LIG4: variants seen among roughly 807,000 people sequenced by gnomAD.
LIG4 encodes DNA joinase.
LIG4 carries 13 observed loss-of-function variants against 19.0 expected under a neutral mutation model. The observed-to-expected ratio is 0.68, with a 90% CI of 0.44 to 1.09. The LOEUF (loss-of-function observed/expected upper bound fraction) is 1.09. Ranked by LOEUF, LIG4 falls within the 50% of genes least tolerant of loss-of-function variation. The probability of loss-of-function intolerance (pLI) is 0.00; values close to 1 mark genes in which losing one functional copy is unlikely to be tolerated. For missense variants in LIG4, 1,026 were observed against 1,089.7 expected (o/e 0.94, Z 0.82); for synonymous variants, 361 against 358.2 (o/e 1.01, Z -0.09).
chr13:108,213,602 T>A (rs1878895434), intron 2 of LIG4, among the ~76,000 whole-genome samples: 1 of 152,244 alleles, frequency 6.6e-6, no homozygotes, highest in Admixed American at 6.5e-5. Flanking sequence ...CATTTTTACA[T>A]GCTAATTTTA....
upstream of LIG4, among the ~76,000 whole-genome samples, chr13:108,215,983 GT>G (rs111554188): frequency 0.033 from 4,878 of 146,452 alleles, 227 homozygotes; most frequent in African/African-American, 0.11. Flanking sequence ...ATATAGAGCT[GT>G]TTTTTTTTTT....
Position 108,211,082 on chromosome 13 carries a change from A to T in LIG4, c.187T>A (p.Ser63Thr). 6.2e-7 allele frequency: 1 copy of T among 1,606,670 alleles called. No homozygotes were observed. Among genetic ancestry groups the T allele is most frequent in the Non-Finnish European group, 8.5e-7 (1 of 1,175,880 alleles). Reference sequence around the variant, plus strand: ...ATTAGTCTCATTGCTGGATAAAAAGAGTCTGTGACATCTTTGTGGTTCTTA... The same window carrying T: ...ATTAGTCTCATTGCTGGATAAAAAGTGTCTGTGACATCTTTGTGGTTCTTA... ...LHKNHKDVTD[S>T]FYPAMRLILP... Residue 63 changes from serine (S) to threonine (T), a missense_variant, in exon 3 of 3, where the codon TCT (serine) becomes ACT (threonine). Transcript: ENST00000442234.
chr13:108,213,267 C>T (rs571167485), intron 2 of LIG4, among the ~76,000 whole-genome samples: 2 of 152,294 alleles, frequency 1.3e-5, no homozygotes, highest in South Asian at 4.1e-4. Context: ...AAACAGGGTA[C>T]ACAATGCTAT....
chr13:108,209,310 GT>G lies in LIG4; in HGVS notation c.1958del (p.Asn653ThrfsTer10), dbSNP rs1273807152. 1 of 1,614,008 alleles carries G rather than the reference GT, an allele frequency of 6.2e-7. No individual in the cohort carries two copies. The highest frequency in any genetic ancestry group is 8.5e-7 in the Non-Finnish European group (1 of 1,179,960). On this transcript the variant is annotated frameshift_variant, in exon 3 of 3. Coordinates refer to ENST00000442234, the MANE Select transcript of LIG4 (RefSeq NM_206937.2). LOFTEE classifies it low-confidence loss of function (END_TRUNC). ...HLKAPNLTNV[N>X]KISNIFEDVE... is the part of the protein sequence containing the mutation. ...CATCTTCAAATATATTAGAAATTTT[GT>G]TAACGTTAGTAAGGTTAGGTGCTTT...
In LIG4 at chr13:108,209,370, C is replaced by A. The variant is rs548130979; in HGVS notation, c.1899G>T (p.Lys633Asn). 1.2e-6 allele frequency: 2 copies of A among 1,614,138 alleles called. No individual in the cohort carries two copies. Among genetic ancestry groups the A allele is most frequent in the South Asian group, 2.2e-5 (2 of 91,080 alleles). Reference sequence around the variant, plus strand: ...CAATAATTCCAATAACTTTCTTCATCTTTGGGGCAGCTTTCCGCTTTTTTT... The same window carrying A: ...CAATAATTCCAATAACTTTCTTCATATTTGGGGCAGCTTTCCGCTTTTTTT... ...PQEKKRKAAP[K>N]MKKVIGIIEH... The change falls in exon 3 of 3, where the codon AAG (lysine) becomes AAT (asparagine). Residue 633 changes from lysine (K) to asparagine (N), a missense_variant. By Grantham distance (94) the Lys-to-Asn change is moderately conservative. Transcript: ENST00000442234.
chr13:108,210,022 T>C lies in LIG4; in HGVS notation c.1247A>G (p.Asp416Gly), dbSNP rs200912533. Residue 416 changes from aspartate (D) to glycine (G), a missense_variant, in exon 3 of 3, where the codon GAT becomes GGT. By Grantham distance (94) the Asp-to-Gly change is moderately conservative. Coordinates refer to ENST00000442234, the MANE Select transcript of LIG4 (RefSeq NM_206937.2). ...TTTATCTATTGCTTCATTCAATGCA[T>C]CAATTACTTCATTCTTAGTATGAGC... ...TQAHTKNEVIDALNEAIDKRE... is the reference protein window; with the variant it reads ...TQAHTKNEVIGALNEAIDKRE... The C allele has an allele frequency of 5.0e-6, 8 of 1,612,058 alleles. No individual in the cohort carries two copies. In the Admixed American group the frequency reaches 1.2e-4, roughly 24 times the overall value.
At position 108,207,836 on chromosome 13, in the gene LIG4, G is replaced by A. The variant is rs1351499375; in HGVS notation, c.*697C>T. On this transcript the variant is annotated 3_prime_UTR_variant, in exon 3 of 3. Transcript: ENST00000442234. The stretch of plus-strand genomic sequence containing the variant: ...CATAAAAATACTTCCTTTAAAGCAT[G>A]TTCTATTTCACACAAGAAATTAAAT... The A allele has an allele frequency of 1.3e-5, 2 of 152,082 alleles. No individual in the cohort carries two copies. Among genetic ancestry groups the A allele is most frequent in the African/African-American group, 2.4e-5 (1 of 41,424 alleles). The allele number at this position is 152,082 out of a possible 1,614,324, so 9.4% of individuals were successfully genotyped here. A position where few individuals can be genotyped will look rare whatever the true frequency, so the allele number is the denominator to read the frequency against.
chr13:108,210,760 C>A lies in LIG4; in HGVS notation c.509G>T (p.Ser170Ile). The A allele has an allele frequency of 6.2e-7, 1 of 1,614,002 alleles. No homozygotes were observed. The highest frequency in any genetic ancestry group is 8.5e-7 in the Non-Finnish European group (1 of 1,179,948). ...ACTCTGAGTTATAAGTTGAAGAAGG[C>A]TCTTTTTTATTAGGTCTTTTCTTTT... ...SAKRKDLIKK[S>I]LLQLITQSSA... Residue 170 changes from serine to isoleucine, a missense_variant, in exon 3 of 3, where the codon AGC becomes ATC. Ser to Ile is a moderately radical substitution (Grantham distance 142, BLOSUM62 -2). This residue lies in a region of LIG4 where 493 missense variants were observed against 544.5 expected (regional missense o/e 0.91). Transcript: ENST00000442234.
Position 108,210,090 on chromosome 13 carries a change from A to G in LIG4, c.1179T>C (p.Phe393=), listed in dbSNP as rs914720311. Residue 393 remains phenylalanine, a synonymous_variant, in exon 3 of 3, where the codon TTT becomes TTC. Transcript: ENST00000442234. The stretch of plus-strand genomic sequence containing the variant: ...TTTCTATTCTACCTGGAATTGGTGT[A>G]AAAATACTACTAAGAATCTCATACC... ...RKRYEILSSI[F]TPIPGRIEIV... is the part of the protein sequence containing the mutation. 6.2e-7 allele frequency: 1 copy of G among 1,613,254 alleles called. No individual in the cohort carries two copies. Among genetic ancestry groups the G allele is most frequent in the South Asian group, 1.1e-5 (1 of 91,064 alleles).
Position 108,209,156 on chromosome 13 carries a change from C to T in LIG4, c.2113G>A (p.Glu705Lys), listed in dbSNP as rs1471843192. 6.2e-6 allele frequency: 10 copies of T among 1,614,036 alleles called. No individual in the cohort carries two copies. The highest frequency in any genetic ancestry group is 8.5e-6 in the Non-Finnish European group (10 of 1,180,032). ...PDTYCVIAGS[E>K]NIRVKNIILS... ...ATTATGTTTTTCACTCTGATGTTCT[C>T]AGACCCTGCAATTACACAGTACGTG... Residue 705 changes from glutamate to lysine, a missense_variant, in exon 3 of 3, where the codon GAG (glutamate) becomes AAG (lysine). Physicochemically the swap from Glu to Lys is moderately conservative, Grantham distance 56. Transcript: ENST00000442234.
chr13:108,209,993 CTCTTT>C lies in LIG4; in HGVS notation c.1271_1275del (p.Lys424ArgfsTer20), dbSNP rs772226399. ...GGTTGTTTTACCATAATTCCCTCTT[CTCTTT>C]TATCTATTGCTTCATTCAATGCATC... On this transcript the variant is annotated frameshift_variant, in exon 3 of 3. Transcript: ENST00000442234. LOFTEE classifies it low-confidence loss of function (END_TRUNC). 2.2e-4 allele frequency: 354 copies of C among 1,612,524 alleles called. No individual in the cohort carries two copies. The highest frequency in any genetic ancestry group is 3.7e-4 in the African/African-American group (28 of 75,046).
rs767537496 is a variant in LIG4 at position 108,210,962 on chromosome 13, C to T, written c.307G>A (p.Gly103Arg). 1.2e-6 allele frequency: 2 copies of T among 1,613,560 alleles called. No homozygotes were observed. The highest frequency in any genetic ancestry group is 1.7e-6 in the Non-Finnish European group (2 of 1,179,862). The part of the protein sequence containing the change: ...YIELLNLPRD[G>R]KDALKLLNYR... ...TTTAAAAGTTTGAGGGCATCTTTTCCATCTCTAGGTAAATTAAGCAACTCA... is the reference window on the plus strand; with the variant it reads ...TTTAAAAGTTTGAGGGCATCTTTTCTATCTCTAGGTAAATTAAGCAACTCA... The change falls in exon 3 of 3, where the codon GGA becomes AGA. Residue 103 changes from glycine to arginine, a missense_variant. Physicochemically the swap from Gly to Arg is moderately radical, Grantham distance 125. This residue lies in a region of LIG4 where 493 missense variants were observed against 544.5 expected (regional missense o/e 0.91). Coordinates refer to ENST00000442234, the MANE Select transcript of LIG4 (RefSeq NM_206937.2).
At position 108,209,399 on chromosome 13, in the gene LIG4, G is replaced by A. The variant is rs1878332570; in HGVS notation, c.1870C>T (p.Gln624Ter). Residue 624 changes from glutamine to a stop codon, truncating the protein, a stop_gained, in exon 3 of 3, where the codon CAA (glutamine) becomes TAA (stop). Coordinates refer to ENST00000442234, the MANE Select transcript of LIG4 (RefSeq NM_206937.2). LOFTEE classifies it low-confidence loss of function (END_TRUNC). Reference sequence around the variant, plus strand: ...GGGGCAGCTTTCCGCTTTTTTTCTTGTGGTTCATCATCACCACCTATATAA... The same window carrying A: ...GGGGCAGCTTTCCGCTTTTTTTCTTATGGTTCATCATCACCACCTATATAA... ...HLYIGGDDEP[Q>*]EKKRKAAPKM... 6.2e-7 allele frequency: 1 copy of A among 1,613,758 alleles called. No individual in the cohort carries two copies. The highest frequency in any genetic ancestry group is 1.3e-5 in the African/African-American group (1 of 74,810).
In LIG4 at chr13:108,211,291, G is replaced by A. The variant is rs761730399; in HGVS notation, c.-23C>T. The A allele has an allele frequency of 4.4e-5, 67 of 1,533,740 alleles. No homozygotes were observed. The highest frequency in any genetic ancestry group is 5.5e-5 in the Non-Finnish European group (61 of 1,110,248). On this transcript the variant is annotated 5_prime_UTR_variant, in exon 3 of 3. The change creates a new upstream start codon in the 5' untranslated region. Transcript: ENST00000442234. ...CATCAAAGCGGTGATGAATCTTCTCGTTTAACTAGTAAAGCAAAAAGAGAA... is the reference window on the plus strand; with the variant it reads ...CATCAAAGCGGTGATGAATCTTCTCATTTAACTAGTAAAGCAAAAAGAGAA...
intron 2 of LIG4, among the ~76,000 whole-genome samples, 151 bp from the exon 3 acceptor site, chr13:108,211,447 TCAA>T (rs1230160177): frequency 6.6e-6 from 1 of 152,246 alleles, no homozygotes; most frequent in Non-Finnish European, 1.5e-5. Flanking sequence ...ATGTATCTTT[TCAA>T]CCTCTACATT....
rs1250014262 is a variant in LIG4, at chr13:108,208,277, T to G, written c.*256A>C. The G allele has an allele frequency of 6.2e-6, 2 of 321,996 alleles. No individual in the cohort carries two copies. The highest frequency in any genetic ancestry group is 1.1e-5 in the Non-Finnish European group (2 of 175,388). 19.9% of individuals were successfully genotyped at this position (321,996 alleles called of 1,614,324 possible). ...TATATGGATATTATAAAAACACCTC[T>G]TCTTTAGACTGTTTATTTCACCTTG... On this transcript the variant is annotated 3_prime_UTR_variant, in exon 3 of 3. Coordinates refer to ENST00000442234, the MANE Select transcript of LIG4 (RefSeq NM_206937.2).
Position 108,208,850 on chromosome 13 carries a change from A to C in LIG4, c.2419T>G (p.Cys807Gly). The change falls in exon 3 of 3, where the codon TGC becomes GGC. Residue 807 changes from cysteine to glycine, a missense_variant. Cys to Gly is a radical substitution (Grantham distance 159). Around this residue, in one of 3 missense-constraint regions of LIG4, gnomAD observed 521 missense variants for 515.5 expected, o/e 1.01. Transcript: ENST00000442234. Reference protein sequence around the residue: ...ADLEYRYSWDCSPLSMFRRHT... With the variant: ...ADLEYRYSWDGSPLSMFRRHT... Reference sequence around the variant, plus strand: ...CGTCGAAACATACTGAGAGGAGAGCAATCCCAGGAATACCGATATTCTAAA... The same window carrying C: ...CGTCGAAACATACTGAGAGGAGAGCCATCCCAGGAATACCGATATTCTAAA... 3.1e-6 allele frequency: 5 copies of C among 1,614,170 alleles called. No individual in the cohort carries two copies. Among genetic ancestry groups the C allele is most frequent in the Non-Finnish European group, 4.2e-6 (5 of 1,180,032 alleles).
In LIG4 at chr13:108,210,307, G is replaced by A; in HGVS notation, c.962C>T (p.Ala321Val). The A allele has an allele frequency of 6.2e-7, 1 of 1,613,892 alleles. No homozygotes were observed. Among genetic ancestry groups the A allele is most frequent in the Non-Finnish European group, 8.5e-7 (1 of 1,179,846 alleles). Reference protein sequence around the residue: ...LTPFIHNAFKADIQICILDGE... With the variant: ...LTPFIHNAFKVDIQICILDGE... ...ATCAAGAATACAGATTTGTATATCTGCTTTGAATGCATTATGAATGAATGG... is the reference window on the plus strand; with the variant it reads ...ATCAAGAATACAGATTTGTATATCTACTTTGAATGCATTATGAATGAATGG... Residue 321 changes from alanine to valine, a missense_variant, in exon 3 of 3, where the codon GCA becomes GTA. Ala to Val is a moderately conservative substitution (Grantham distance 64). Around this residue, in one of 3 missense-constraint regions of LIG4, gnomAD observed 493 missense variants for 544.5 expected, o/e 0.91. Transcript: ENST00000442234.
In LIG4 at chr13:108,208,683, A is replaced by T. The variant is rs201115578; in HGVS notation, c.2586T>A (p.His862Gln). The change falls in exon 3 of 3, where the codon CAT becomes CAA. Residue 862 changes from histidine (H) to glutamine (Q), a missense_variant. Coordinates refer to ENST00000442234, the MANE Select transcript of LIG4 (RefSeq NM_206937.2). ...VVSCLAEGVS[H>Q]VIIGEDHSRV... The stretch of plus-strand genomic sequence containing the variant: ...GACTATGATCTTCCCCAATTATTAC[A>T]TGAGACACTCCCTCAGCTAAACAAG... 16 of 1,614,186 alleles carry T rather than the reference A, an allele frequency of 9.9e-6. No homozygotes were observed. In the East Asian group the frequency reaches 3.3e-4, roughly 34 times the overall value.
Sources: gnomAD v4.1 joint callset for allele counts (sites outside exome capture counted in the v4.1 genomes callset) on GRCh38, gnomAD v4.1.1 for gene constraint, gnomAD v4.1.1 regional missense constraint, MANE v1.5 for transcripts, NCBI Gene and HGNC (gene_info 2026-07-23, HGNC 2026-07-21) for gene names.